WDPCP: variants seen among roughly 807,000 people sequenced by gnomAD.
WDPCP encodes WD repeat containing planar cell polarity effector.
In WDPCP, 71 loss-of-function variants were observed where a neutral mutation model predicts 93.1. The ratio of observed to expected loss-of-function variants is 0.76; its 90% confidence interval spans 0.63 to 0.93. The LOEUF (loss-of-function observed/expected upper bound fraction) is 0.93. WDPCP is among the 40% of genes least tolerant of loss of function. The pLI is 0.00. For missense variants in WDPCP, 844 were observed against 887.4 expected (o/e 0.95, Z 0.62); for synonymous variants, 315 against 315.0 (o/e 1.00, Z 0.00).
intron 1 of WDPCP, among the ~76,000 whole-genome samples, chr2:63,498,793 G>T (rs1182398692): frequency 6.6e-6 from 1 of 152,142 alleles, no homozygotes; most frequent in East Asian, 1.9e-4. Context: ...AGCAAAGAAA[G>T]AATTAAGAAA....
chr2:63,421,057 A>G (rs1430655778), intron 9 of WDPCP, among the ~76,000 whole-genome samples: 1 of 152,210 alleles, frequency 6.6e-6, no homozygotes, highest in African/African-American at 2.4e-5. Context: ...CTCTACCATA[A>G]TAGTGAATGA....
intron 12 of WDPCP, among the ~76,000 whole-genome samples, chr2:63,326,198 C>T (rs911433352): frequency 2.6e-5 from 4 of 152,294 alleles, no homozygotes; most frequent in East Asian, 1.9e-4. Flanking sequence ...TACATAAGTT[C>T]GTGGCCCTCA....
chr2:63,265,469 TCAGG>T (rs1455355679), intron 13 of WDPCP, among the ~76,000 whole-genome samples: 1 of 151,920 alleles, frequency 6.6e-6, no homozygotes, highest in African/African-American at 2.4e-5. Context: ...GTCTACTAAG[TCAGG>T]AAAGAAAGAA....
intron 9 of WDPCP, among the ~76,000 whole-genome samples, chr2:63,416,504 C>CCCTTATATTATGATATGAT (rs375812264): frequency 6.7e-6 from 1 of 149,440 alleles, no homozygotes; most frequent in East Asian, 2.0e-4. Flanking sequence ...TTGGATATGA[C>CCCTTATATTATGATATGAT]ATTAGCATTA....
intron 13 of WDPCP, among the ~76,000 whole-genome samples, chr2:63,297,191 C>T (rs537212340): frequency 2.6e-5 from 4 of 152,248 alleles, no homozygotes; most frequent in African/African-American, 9.6e-5. Flanking sequence ...GAACTGTTAC[C>T]GCTTGTAAAA....
chr2:63,578,958 C>T (rs1558838265), intron 1 of WDPCP, among the ~76,000 whole-genome samples: 1 of 152,090 alleles, frequency 6.6e-6, no homozygotes, highest in Non-Finnish European at 1.5e-5. Flanking sequence ...CCCTGGGTTC[C>T]CCTGAGGTCT....
intron 1 of WDPCP, among the ~76,000 whole-genome samples, chr2:63,566,621 A>G (rs1224027720): frequency 6.6e-6 from 1 of 152,214 alleles, no homozygotes. Flanking sequence ...CACTTCTGAC[A>G]CCAAATGTGT....
intron 2 of WDPCP, among the ~76,000 whole-genome samples, chr2:63,733,392 C>T (rs1367037234): frequency 6.7e-6 from 1 of 148,164 alleles, no homozygotes; most frequent in African/African-American, 2.5e-5. Context: ...TTAGTAGAGA[C>T]GGGGTTTCAC....
At chr2:63,638,311 T>C (rs1405052310) in intron 3 of WDPCP, among the ~76,000 whole-genome samples, 1 of 147,808 alleles carries the variant, frequency 6.8e-6, no homozygotes, top group African/African-American at 2.6e-5. Flanking sequence ...TCTCTCTCAT[T>C]CTCTCTCTCT....
At chr2:63,389,579 C>G (rs543178475) in intron 10 of WDPCP, among the ~76,000 whole-genome samples, 2 of 152,146 alleles carry the variant, frequency 1.3e-5, no homozygotes, top group South Asian at 4.2e-4. Context: ...GGTAAAAGCC[C>G]CAATTAAAAG....
intron 14 of WDPCP, among the ~76,000 whole-genome samples, chr2:63,186,143 C>A (rs1674623183): frequency 6.6e-6 from 1 of 152,196 alleles, no homozygotes; most frequent in Non-Finnish European, 1.5e-5. Context: ...GAATCCCACC[C>A]TGGCATGAGC....
At chr2:63,457,386 C>T (rs931739076) in intron 6 of WDPCP, among the ~76,000 whole-genome samples, 1 of 152,064 alleles carries the variant, frequency 6.6e-6, no homozygotes, top group African/African-American at 2.4e-5. Flanking sequence ...AATTCTACCA[C>T]ATGTATAAAG....
intron 12 of WDPCP, among the ~76,000 whole-genome samples, chr2:63,334,692 A>G (rs1688227855): frequency 6.6e-6 from 1 of 151,928 alleles, no homozygotes; most frequent in Admixed American, 6.5e-5. Context: ...TCCTTTCACA[A>G]TCTCCTTGGT....
chr2:63,260,603 G>A (rs575473769), intron 13 of WDPCP, among the ~76,000 whole-genome samples: 1 of 152,312 alleles, frequency 6.6e-6, no homozygotes, highest in East Asian at 1.9e-4. Context: ...AGGCTGGAGT[G>A]CAGTGGCATG....
intron 1 of WDPCP, among the ~76,000 whole-genome samples, chr2:63,587,044 T>C (rs1215608351): frequency 1.3e-5 from 2 of 152,234 alleles, no homozygotes; most frequent in Admixed American, 6.5e-5. Flanking sequence ...AAAATCTTTC[T>C]GTTAGCAGCT....
chr2:63,359,083 C>T (rs1168621013), intron 12 of WDPCP, among the ~76,000 whole-genome samples: 1 of 152,018 alleles, frequency 6.6e-6, no homozygotes, highest in East Asian at 1.9e-4. Flanking sequence ...CCCTTCCTTC[C>T]TCTTTCCACT....
intron 2 of WDPCP, among the ~76,000 whole-genome samples, chr2:63,792,773 C>G (rs1430260070): frequency 6.6e-6 from 1 of 151,646 alleles, no homozygotes; most frequent in Non-Finnish European, 1.5e-5. Flanking sequence ...TGTGGCTGGG[C>G]AAAGGAATGT....
chr2:63,130,984 A>G (rs1313559444), intron 17 of WDPCP, among the ~76,000 whole-genome samples: 2 of 152,050 alleles, frequency 1.3e-5, no homozygotes, highest in African/African-American at 4.8e-5. Context: ...TTGAAAGTCT[A>G]TTTTATCTGA....
At chr2:63,190,706 T>C (rs1238715095) in intron 14 of WDPCP, among the ~76,000 whole-genome samples, 1 of 152,070 alleles carries the variant, frequency 6.6e-6, no homozygotes, top group African/African-American at 2.4e-5. Context: ...ATACTGAGTG[T>C]ACTCAATTCC....
Sources: allele counts gnomAD v4.1 joint callset (sites outside exome capture counted in the v4.1 genomes callset), GRCh38; gene constraint gnomAD v4.1.1; transcripts MANE v1.5; gene names NCBI Gene and HGNC (gene_info 2026-07-23, HGNC 2026-07-21).